CFAP77: variants seen among roughly 807,000 people sequenced by gnomAD.
CFAP77 encodes the protein cilia and flagella associated protein 77.
In CFAP77, 25 loss-of-function variants were observed where a neutral mutation model predicts 31.1. The ratio of observed to expected loss-of-function variants is 0.80; its 90% confidence interval spans 0.59 to 1.12. The LOEUF is 1.12. CFAP77 is among the 50% of genes most tolerant of loss of function. The pLI, the probability that CFAP77 is intolerant of heterozygous loss-of-function variation, is 0.00. For missense variants in CFAP77, 377 were observed against 397.3 expected, an observed-to-expected ratio of 0.95 and a Z score of 0.44; for synonymous variants, 151 against 159.9, an observed-to-expected ratio of 0.94 and a Z score of 0.42.
chr9:132,422,689 A>G (rs1317977074), intron 1 of CFAP77, among the ~76,000 whole-genome samples: 1 of 152,186 alleles, frequency 6.6e-6, no homozygotes, highest in Non-Finnish European at 1.5e-5. Context: ...GTCAGAGGCC[A>G]GGGACACCTG....
intron 1 of CFAP77, among the ~76,000 whole-genome samples, chr9:132,433,764 T>G (rs1372139784): frequency 6.6e-6 from 1 of 151,492 alleles, no homozygotes; most frequent in African/African-American, 2.4e-5. Flanking sequence ...GCCAGGCTGG[T>G]CTTGAACTCC....
chr9:132,450,746 A>G (rs1233805991), intron 1 of CFAP77, among the ~76,000 whole-genome samples: 1 of 152,214 alleles, frequency 6.6e-6, no homozygotes, highest in Admixed American at 6.5e-5. Flanking sequence ...GGGCAGTGAA[A>G]TGAACAGACC....
At chr9:132,522,136 G>A (rs757504900) in intron 3 of CFAP77, among the ~76,000 whole-genome samples, 16 of 152,166 alleles carry the variant, frequency 1.1e-4, no homozygotes, top group Non-Finnish European at 2.2e-4. Context: ...CTGTTGCAGG[G>A]TCCAAGGACA....
rs570136401 is a variant in CFAP77, at chr9:132,510,697, G to T, written c.524+11097G>T. Reference sequence around the variant, plus strand: ...GGCCAGATCATCTCATCGTGTGGAGGAACAGTGAGCTCACAGGACAGAGCT... The same window carrying T: ...GGCCAGATCATCTCATCGTGTGGAGTAACAGTGAGCTCACAGGACAGAGCT... On this transcript the variant is annotated intron_variant, in intron 3 of 5. Coordinates refer to ENST00000393216, the MANE Select transcript of CFAP77 (RefSeq NM_001282957.2). Among the ~76,000 whole-genome samples, 42 of 152,228 alleles carry T rather than the reference G, an allele frequency of 2.8e-4. No individual in the cohort carries two copies. In the South Asian group the frequency reaches 3.5e-3, roughly 13 times the overall value.
intron 1 of CFAP77, among the ~76,000 whole-genome samples, chr9:132,472,422 T>C (rs1271326538): frequency 1.3e-5 from 2 of 152,188 alleles, no homozygotes; most frequent in East Asian, 1.9e-4. Context: ...AGCACAGTGA[T>C]AAGTGTGCTC....
intron 1 of CFAP77, among the ~76,000 whole-genome samples, chr9:132,446,947 G>T (rs921343016): frequency 6.6e-6 from 1 of 151,990 alleles, no homozygotes; most frequent in South Asian, 2.1e-4. Flanking sequence ...GGGAGCGGGG[G>T]TCTCCCTATG....
intron 5 of CFAP77, among the ~76,000 whole-genome samples, chr9:132,555,773 A>G (rs115317734): frequency 0.011 from 1,612 of 152,114 alleles, 39 homozygotes; most frequent in African/African-American, 0.036. Context: ...GTGGTCCTGC[A>G]TGTGTTGTCT....
Position 132,543,020 on chromosome 9 carries a change from C to A in CFAP77, c.705C>A (p.Thr235=). 6.2e-7 allele frequency: 1 copy of A among 1,614,114 alleles called. No individual in the cohort carries two copies. The highest frequency in any genetic ancestry group is 1.1e-5 in the South Asian group (1 of 91,078). Residue 235 remains threonine (T), a synonymous_variant, in exon 5 of 6, where the codon ACC becomes ACA. Transcript: ENST00000393216. ...ACAAGCCGCCCGTGAAGCTGGACAC[C>A]CTCTGGCACATGCCTCACTTCCAGA... ...RKYKPPVKLD[T]LWHMPHFQKV...
At chr9:132,496,928 C>T (rs1476551370) in intron 1 of CFAP77, among the ~76,000 whole-genome samples, 3 of 152,200 alleles carry the variant, frequency 2.0e-5, no homozygotes, top group African/African-American at 7.2e-5. Context: ...GTGGCAAGTT[C>T]TAAGCCCCAA....
Position 132,498,776 on chromosome 9 carries a change from G to A in CFAP77, c.277G>A (p.Asp93Asn). The change falls in exon 2 of 6, where the codon GAC becomes AAC. Residue 93 changes from aspartate (D) to asparagine (N), a missense_variant. Physicochemically the swap from Asp to Asn is conservative, Grantham distance 23 (BLOSUM62 1). Transcript: ENST00000393216. The surrounding 1 kb of genome is among the most constrained non-coding windows in gnomAD (Gnocchi z 4.2). ...TTATGGACTCTACATCCGAGGGCTT[G>A]ACGGAGGAGTCCCTGAAGGTGAGCG... ...FNYGLYIRGL[D>N]GGVPEAIGRW... 6.2e-7 allele frequency: 1 copy of A among 1,609,852 alleles called. No homozygotes were observed. The highest frequency in any genetic ancestry group is 8.5e-7 in the Non-Finnish European group (1 of 1,177,786).
chr9:132,482,207 A>G, intron 1 of CFAP77: 1 of 597,022 alleles, frequency 1.7e-6, no homozygotes, highest in Non-Finnish European at 3.0e-6. Flanking sequence ...TTCTTTTCAT[A>G]GGGAGCCTTT....
At chr9:132,486,254 G>A (rs1851556664) in intron 1 of CFAP77, among the ~76,000 whole-genome samples, 2 of 149,600 alleles carry the variant, frequency 1.3e-5, no homozygotes, top group South Asian at 4.3e-4. Flanking sequence ...CACCCCGCCC[G>A]GCTAATTTTT....
chr9:132,474,260 T>G (rs1026144531), intron 1 of CFAP77, among the ~76,000 whole-genome samples: 2 of 152,214 alleles, frequency 1.3e-5, no homozygotes, highest in African/African-American at 4.8e-5. Flanking sequence ...TGGAAGAGTG[T>G]GGTTTTCCAA....
At chr9:132,473,264 G>A (rs562891283) in intron 1 of CFAP77, among the ~76,000 whole-genome samples, 55 of 152,270 alleles carry the variant, frequency 3.6e-4, no homozygotes, top group Non-Finnish European at 6.2e-4. Flanking sequence ...CTTTCAACAC[G>A]AGGCTTGGGG....
At position 132,499,354 on chromosome 9, in the gene CFAP77, G is replaced by A. The variant is rs1465066134; in HGVS notation, c.296-18G>A. 1 of 1,612,028 alleles carries A rather than the reference G, an allele frequency of 6.2e-7. No homozygotes were observed. The highest frequency in any genetic ancestry group is 8.5e-7 in the Non-Finnish European group (1 of 1,178,802). ...TCCCAGGCTGACCACTGCCCCGTGG[G>A]TCTCTCCCTGCCCTCAGCCATCGGA... is the stretch of plus-strand genomic sequence containing the variant. On this transcript the variant is annotated intron_variant, in intron 2 of 5. Transcript: ENST00000393216. This position sits in a 1 kb window ranked among gnomAD's most constrained non-coding sequence, Gnocchi z 5.4.
intron 1 of CFAP77, among the ~76,000 whole-genome samples, chr9:132,417,118 CT>C (rs142153092): frequency 1.0e-3 from 146 of 139,168 alleles, no homozygotes; most frequent in Non-Finnish European, 1.1e-3. Flanking sequence ...TTCTTTTTTT[CT>C]TTTTTTTTTT....
chr9:132,442,887 G>A (rs1168789019), intron 1 of CFAP77, among the ~76,000 whole-genome samples: 10 of 151,964 alleles, frequency 6.6e-5, no homozygotes, highest in Non-Finnish European at 1.3e-4. Flanking sequence ...ATGCATTCAC[G>A]ATGTTGTACA....
chr9:132,449,280 TCTCCTA>T (rs1564207829), intron 1 of CFAP77, among the ~76,000 whole-genome samples: 15 of 78,376 alleles, frequency 1.9e-4, no homozygotes, highest in Non-Finnish European at 3.7e-4. Context: ...CTCACCCTCC[TCTCCTA>T]CTCCTGGCTG....
chr9:132,506,906 A>G (rs1340022209), intron 3 of CFAP77, among the ~76,000 whole-genome samples: 4 of 152,190 alleles, frequency 2.6e-5, no homozygotes, highest in Non-Finnish European at 1.5e-5. Flanking sequence ...TGCCTATGAC[A>G]GTGACCAAGG....
Sources: gnomAD v4.1 joint callset for allele counts (sites outside exome capture counted in the v4.1 genomes callset) on GRCh38, gnomAD v4.1.1 for gene constraint, Gnocchi (gnomAD v3.1) non-coding constraint, MANE v1.5 for transcripts, NCBI Gene and HGNC (gene_info 2026-07-23, HGNC 2026-07-21) for gene names.